KAT14: variants seen among roughly 807,000 people sequenced by gnomAD.
KAT14 encodes cysteine-rich protein 2-binding protein.
In KAT14, 66 loss-of-function variants were observed where a neutral mutation model predicts 78.4. That is an observed-to-expected ratio of 0.84 (90% CI 0.69 to 1.03). The LOEUF is 1.03. KAT14 is among the 50% of genes least tolerant of loss of function. KAT14 has a pLI of 0.00. For synonymous variants in KAT14, 344 were observed against 359.4 expected, an observed-to-expected ratio of 0.96 and a Z score of 0.48; for missense variants, 870 against 972.5, an observed-to-expected ratio of 0.89 and a Z score of 1.40.
intron 7 of KAT14, among the ~76,000 whole-genome samples, chr20:18,165,895 G>A (rs2038620945): frequency 1.3e-5 from 2 of 152,108 alleles, no homozygotes; most frequent in South Asian, 4.1e-4. Context: ...TCATCAGCTG[G>A]TCTTTGGGGT....
intron 3 of KAT14, among the ~76,000 whole-genome samples, chr20:18,148,309 T>C (rs1191689895): frequency 6.6e-6 from 1 of 152,224 alleles, no homozygotes; most frequent in African/African-American, 2.4e-5. Flanking sequence ...CTGTGTCCTC[T>C]CCTCTTCCTT....
chr20:18,161,082 G>A (rs2038402906), intron 5 of KAT14, among the ~76,000 whole-genome samples: 2 of 151,902 alleles, frequency 1.3e-5, no homozygotes, highest in Admixed American at 1.3e-4. Flanking sequence ...GCTGAGGCAG[G>A]AGAATTGCTT....
chr20:18,187,127 T>G (rs1374843619), intron 10 of KAT14, among the ~76,000 whole-genome samples, 159 bp from the exon 11 acceptor site: 1 of 152,238 alleles, frequency 6.6e-6, no homozygotes, highest in East Asian at 1.9e-4. Context: ...AATGTCATTC[T>G]GTTTCCAGCT....
At chr20:18,166,691 C>G (rs2038653273) in intron 7 of KAT14, among the ~76,000 whole-genome samples, 1 of 152,220 alleles carries the variant, frequency 6.6e-6, no homozygotes, top group African/African-American at 2.4e-5. Context: ...TCTGGAGATT[C>G]TTTTGCCCTC....
At chr20:18,160,236 G>A (rs1184339289) in intron 5 of KAT14, among the ~76,000 whole-genome samples, 1 of 152,148 alleles carries the variant, frequency 6.6e-6, no homozygotes, top group African/African-American at 2.4e-5. Flanking sequence ...TGATTGGGAA[G>A]AAAATCAAAT....
At chr20:18,147,526 T>C (rs1480763383) in intron 3 of KAT14, among the ~76,000 whole-genome samples, 1 of 152,220 alleles carries the variant, frequency 6.6e-6, no homozygotes, top group East Asian at 1.9e-4. Context: ...CTTTTGCTTA[T>C]TTTGCTCAGA....
chr20:18,150,788 G>A (rs1197723580), intron 3 of KAT14, 33 bp from the exon 4 acceptor site: 2 of 1,613,606 alleles, frequency 1.2e-6, no homozygotes, highest in Non-Finnish European at 1.7e-6. Flanking sequence ...TAACCGTGCT[G>A]TTCTCCCACC....
chr20:18,146,304 G>A (rs771157886), intron 3 of KAT14, among the ~76,000 whole-genome samples: 6 of 151,962 alleles, frequency 3.9e-5, no homozygotes, highest in Non-Finnish European at 8.8e-5. Context: ...TTTGGGAGGC[G>A]GAGGCGGCCA....
At chr20:18,158,133 AC>A (rs1378701647) in intron 4 of KAT14, among the ~76,000 whole-genome samples, 1 of 152,040 alleles carries the variant, frequency 6.6e-6, no homozygotes, top group African/African-American at 2.4e-5. Flanking sequence ...ACGGGGTTTC[AC>A]CCTGTCAGCC....
chr20:18,156,395 A>G (rs1336199055), intron 4 of KAT14, among the ~76,000 whole-genome samples: 1 of 152,226 alleles, frequency 6.6e-6, no homozygotes, highest in African/African-American at 2.4e-5. Flanking sequence ...AATGTTATGT[A>G]TATTTTACCA....
chr20:18,152,343 G>A (rs1031598992), intron 4 of KAT14, among the ~76,000 whole-genome samples: 2 of 152,074 alleles, frequency 1.3e-5, no homozygotes, highest in Non-Finnish European at 2.9e-5. Flanking sequence ...TTGGGAGGCC[G>A]AGGCGAGCAG....
At chr20:18,164,313 C>T (rs1408978329) in intron 7 of KAT14, among the ~76,000 whole-genome samples, 1 of 152,198 alleles carries the variant, frequency 6.6e-6, no homozygotes, top group African/African-American at 2.4e-5. Flanking sequence ...TCCAGAATCT[C>T]CCTCTTGAGC....
At position 18,142,369 on chromosome 20, in the gene KAT14, A is replaced by G. The variant is rs1331008941; in HGVS notation, c.-292A>G. On this transcript the variant is annotated 5_prime_UTR_variant, in exon 2 of 11. Coordinates refer to ENST00000688188, the MANE Select transcript of KAT14 (RefSeq NM_001392073.1). ...CTCAAAAATCATGACTTGAATGTGAAATATCTGTTGGACAGACAACACGAG... is the reference window on the plus strand; with the variant it reads ...CTCAAAAATCATGACTTGAATGTGAGATATCTGTTGGACAGACAACACGAG... 1.3e-6 allele frequency: 2 copies of G among 1,535,250 alleles called. No homozygotes were observed. The highest frequency in any genetic ancestry group is 8.7e-7 in the Non-Finnish European group (1 of 1,145,416).
chr20:18,178,694 T>A (rs538956188), intron 7 of KAT14, among the ~76,000 whole-genome samples: 1 of 152,182 alleles, frequency 6.6e-6, no homozygotes. Context: ...GTGGGAATTA[T>A]GGGAATACAA....
chr20:18,149,427 T>C (rs1237254903), intron 3 of KAT14, among the ~76,000 whole-genome samples: 2 of 152,240 alleles, frequency 1.3e-5, no homozygotes, highest in African/African-American at 2.4e-5. Flanking sequence ...GATGCAGATA[T>C]AACTGGAAGA....
At position 18,142,831 on chromosome 20, in the gene KAT14, T is replaced by C. The variant is rs763740306; in HGVS notation, c.171T>C (p.Asp57=). Residue 57 remains aspartate, a synonymous_variant, in exon 2 of 11, where the codon GAT becomes GAC. Transcript: ENST00000688188. ...SVDLSHDQSG[D]SLNSDEGDVS... ...ACTTATCGCACGACCAGAGTGGGGA[T>C]TCCCTCAACAGTGATGAAGGAGACG... 1.9e-6 allele frequency: 3 copies of C among 1,614,188 alleles called. No homozygotes were observed. The highest frequency in any genetic ancestry group is 2.5e-6 in the Non-Finnish European group (3 of 1,180,032).
Position 18,145,266 on chromosome 20 carries a change from G to A in KAT14, c.293G>A (p.Gly98Asp). 6.2e-7 allele frequency: 1 copy of A among 1,614,172 alleles called. No homozygotes were observed. Among genetic ancestry groups the A allele is most frequent in the Non-Finnish European group, 8.5e-7 (1 of 1,180,040 alleles). ...AGGGAACAGCTCAGTTACCTTAAGG[G>A]TGATAATTTTTTTAGGTTTACTTGT... ...QLREQLSYLKGDNFFRFTCSD... is the reference protein window; with the variant it reads ...QLREQLSYLKDDNFFRFTCSD... Residue 98 changes from glycine to aspartate, a missense_variant, in exon 3 of 11, where the codon GGT becomes GAT. By Grantham distance (94) the Gly-to-Asp change is moderately conservative (BLOSUM62 -1). Coordinates refer to ENST00000688188, the MANE Select transcript of KAT14 (RefSeq NM_001392073.1).
At chr20:18,141,023 ATTT>A (rs67633205) in intron 1 of KAT14, among the ~76,000 whole-genome samples, 4 of 48,760 alleles carry the variant, frequency 8.2e-5, no homozygotes, top group Admixed American at 3.0e-4. Context: ...ACTCCCTGCA[ATTT>A]TTTTTTTTTT....
At chr20:18,153,511 A>G (rs2038120723) in intron 4 of KAT14, among the ~76,000 whole-genome samples, 1 of 152,204 alleles carries the variant, frequency 6.6e-6, no homozygotes. Flanking sequence ...GTGCTGTCCT[A>G]TTTAGTGGGT....
Sources: allele counts gnomAD v4.1 joint callset (sites outside exome capture counted in the v4.1 genomes callset), GRCh38; gene constraint gnomAD v4.1.1; transcripts MANE v1.5; gene names NCBI Gene and HGNC (gene_info 2026-07-23, HGNC 2026-07-21).